The following KCNMB3 variants were observed in gnomAD, a reference collection of about 807,000 sequenced individuals.
The protein encoded by KCNMB3 is potassium calcium-activated channel subfamily M regulatory beta subunit 3, also known as calcium-activated potassium channel subunit beta-3.
A neutral mutation model predicts 11.9 loss-of-function variants in KCNMB3; 18 were observed. That is an observed-to-expected ratio of 1.51 (90% CI 1.04 to 2.23). The LOEUF (loss-of-function observed/expected upper bound fraction) is 2.23. Among genes scored for constraint, KCNMB3 ranks in the 30% most tolerant of loss-of-function variants. The pLI, the probability that KCNMB3 is intolerant of heterozygous loss-of-function variation, is 0.00. For missense variants in KCNMB3, 247 were observed against 329.4 expected, an observed-to-expected ratio of 0.75 and a Z score of 1.94; for synonymous variants, 78 against 119.2, an observed-to-expected ratio of 0.65 and a Z score of 2.25.
downstream of KCNMB3, chr3:179,242,114 G>A (rs1725475395): frequency 6.6e-6 from 1 of 152,516 alleles, no homozygotes; most frequent in South Asian, 2.1e-4. Flanking sequence ...ACAAACTAAA[G>A]CCAAGCGCAG....
At chr3:179,263,542 C>G (rs969918657) in intron 1 of KCNMB3, among the ~76,000 whole-genome samples, 5 of 152,222 alleles carry the variant, frequency 3.3e-5, no homozygotes, top group East Asian at 1.9e-4. Context: ...TGTCACCTCT[C>G]AAGACCTGAC....
chr3:179,266,466 G>A (rs1329527087), intron 1 of KCNMB3, among the ~76,000 whole-genome samples: 1 of 152,210 alleles, frequency 6.6e-6, no homozygotes, highest in East Asian at 1.9e-4. Context: ...AACAGGAAAG[G>A]CTGCAGCCCC....
At chr3:179,263,580 A>G (rs566527344) in intron 1 of KCNMB3, among the ~76,000 whole-genome samples, 5 of 152,208 alleles carry the variant, frequency 3.3e-5, no homozygotes, top group Non-Finnish European at 5.9e-5. Flanking sequence ...AGAATTCCTC[A>G]ACAAATGTCA....
At chr3:179,241,129 T>C (rs1378234901), downstream of KCNMB3, 1 of 152,062 alleles carries the variant, frequency 6.6e-6, no homozygotes, top group African/African-American at 2.4e-5. Flanking sequence ...TCACTGAATG[T>C]TATAACCTAG....
At chr3:179,246,177 C>T (rs1305416428) in intron 1 of KCNMB3, among the ~76,000 whole-genome samples, 1 of 152,098 alleles carries the variant, frequency 6.6e-6, no homozygotes, top group African/African-American at 2.4e-5. Flanking sequence ...TTTGGGAGGC[C>T]GAGGCGGGCA....
At chr3:179,264,894 T>C (rs1346052751) in intron 1 of KCNMB3, among the ~76,000 whole-genome samples, 1 of 152,230 alleles carries the variant, frequency 6.6e-6, no homozygotes, top group African/African-American at 2.4e-5. Context: ...ACTCTTCTAT[T>C]TTTTAATTAC....
chr3:179,256,309 AC>A (rs1193791915), upstream of KCNMB3, among the ~76,000 whole-genome samples: 5 of 152,038 alleles, frequency 3.3e-5, no homozygotes, highest in African/African-American at 9.7e-5. Flanking sequence ...GGTGGCACAC[AC>A]CTGTAATCCC....
At chr3:179,251,434 G>C, upstream of KCNMB3, 9 of 1,426,276 alleles carry the variant, frequency 6.3e-6, no homozygotes, top group Non-Finnish European at 7.3e-6. Flanking sequence ...AGAATTTCTG[G>C]CCACTGCCCA....
intron 1 of KCNMB3, chr3:179,261,418 G>A (rs893682423): frequency 6.9e-5 from 73 of 1,053,076 alleles, no homozygotes; most frequent in Non-Finnish European, 7.7e-5. Context: ...CGCTTCCGGG[G>A]CCAAGAGCCA....
chr3:179,241,772 C>T (rs1725464932), downstream of KCNMB3: 1 of 154,028 alleles, frequency 6.5e-6, no homozygotes, highest in African/African-American at 2.4e-5. Flanking sequence ...CCATGTGGGA[C>T]TTCTTTTCTA....
chr3:179,246,355 T>C (rs939494022), intron 1 of KCNMB3, among the ~76,000 whole-genome samples: 1 of 151,808 alleles, frequency 6.6e-6, no homozygotes, highest in Non-Finnish European at 1.5e-5. Context: ...GAAGTTGCAG[T>C]GAGCCAAGAT....
At chr3:179,250,431 C>T (rs923346131) in intron 1 of KCNMB3, among the ~76,000 whole-genome samples, 1 of 152,038 alleles carries the variant, frequency 6.6e-6, no homozygotes, top group Non-Finnish European at 1.5e-5. Flanking sequence ...CTTGGAATAC[C>T]AACATTTTAA....
chr3:179,260,012 G>A, intron 1 of KCNMB3: 2 of 1,612,498 alleles, frequency 1.2e-6, no homozygotes, highest in East Asian at 2.2e-5. Context: ...CTTCCTGGTT[G>A]GTGAATTCTT....
chr3:179,252,120 C>G (rs756647122), upstream of KCNMB3, among the ~76,000 whole-genome samples: 1 of 152,096 alleles, frequency 6.6e-6, no homozygotes, highest in Non-Finnish European at 1.5e-5. Context: ...GAAATAATCC[C>G]AAGATGCACG....
At chr3:179,263,637 C>T (rs922109518) in intron 1 of KCNMB3, among the ~76,000 whole-genome samples, 1 of 151,940 alleles carries the variant, frequency 6.6e-6, no homozygotes, top group African/African-American at 2.4e-5. Flanking sequence ...TTGTATGAAA[C>T]TTGAAAAATA....
At chr3:179,250,652 T>A in intron 1 of KCNMB3, 91 bp downstream of exon 1, 6 of 1,311,406 alleles carry the variant, frequency 4.6e-6, no homozygotes, top group Non-Finnish European at 5.4e-6. Context: ...AGTCACAGAT[T>A]GAGAAACCAA....
At chr3:179,240,786 GAAA>G (rs71181272), downstream of KCNMB3, 3 of 150,812 alleles carry the variant, frequency 2.0e-5, no homozygotes, top group African/African-American at 7.3e-5. Flanking sequence ...ATTTGTTAGG[GAAA>G]AAAAAAATCC....
At chr3:179,262,483 G>A (rs1560162061) in intron 1 of KCNMB3, among the ~76,000 whole-genome samples, 2 of 152,182 alleles carry the variant, frequency 1.3e-5, no homozygotes, top group African/African-American at 2.4e-5. Context: ...AGGCAGCGTG[G>A]ACCCAAAGAA....
At chr3:179,260,492 G>C (rs1726170753) in intron 1 of KCNMB3, 1 of 1,609,866 alleles carries the variant, frequency 6.2e-7, no homozygotes, top group Non-Finnish European at 8.5e-7. Flanking sequence ...TATTGTGCAA[G>C]ATTTCTCTTT....
Sources: allele counts gnomAD v4.1 joint callset (sites outside exome capture counted in the v4.1 genomes callset), GRCh38; gene constraint gnomAD v4.1.1; transcripts MANE v1.5; gene names NCBI Gene and HGNC (gene_info 2026-07-23, HGNC 2026-07-21).